GRM7: variants seen among roughly 807,000 people sequenced by gnomAD.
The protein encoded by GRM7 is metabotropic glutamate receptor 7.
Under a neutral mutation model 84.5 loss-of-function variants are expected in GRM7, and 35 were observed. The ratio of observed to expected loss-of-function variants is 0.41; its 90% CI spans 0.32 to 0.55. The LOEUF (loss-of-function observed/expected upper bound fraction) is 0.55, where lower values mean the gene tolerates loss of function less well. Ranked by LOEUF, GRM7 falls within the 20% of genes least tolerant of loss-of-function variation. The probability of loss-of-function intolerance (pLI) is 0.19; values close to 1 mark genes in which losing one functional copy is unlikely to be tolerated. For synonymous variants in GRM7, 487 were observed against 455.1 expected (o/e 1.07, Z -0.89); for missense variants, 1,003 against 1,194.6 (o/e 0.84, Z 2.36).
At chr3:7,270,467 GT>G (rs148265515) in intron 2 of GRM7, among the ~76,000 whole-genome samples, 53 of 151,840 alleles carry the variant, frequency 3.5e-4, no homozygotes, top group African/African-American at 1.2e-3. Context: ...AAAATGTATA[GT>G]TTTTTTTAGC....
intron 7 of GRM7, among the ~76,000 whole-genome samples, chr3:7,499,613 G>T (rs1699818796): frequency 2.0e-5 from 3 of 152,110 alleles, no homozygotes; most frequent in Non-Finnish European, 4.4e-5. Context: ...AGGAAACTGG[G>T]TCACGGAAGA....
In GRM7 at chr3:7,068,539, G is replaced by A. The variant is rs1363412188; in HGVS notation, c.520-77913G>A. Among the ~76,000 whole-genome samples the A allele has an allele frequency of 4.6e-5, 7 of 152,074 alleles. No individual in the cohort carries two copies. In the East Asian group the frequency reaches 7.8e-4, roughly 17 times the overall value. On this transcript the variant is annotated intron_variant, in intron 1 of 9. Transcript: ENST00000357716. ...TGATTTTAAACTCTATCTTGAGCAT[G>A]CTGTGTACAACATTGTTTACTGTGG...
chr3:7,103,854 CTCTT>C lies in GRM7; in HGVS notation c.520-42583_520-42580del, dbSNP rs140927280. 1.5e-4 allele frequency among the ~76,000 whole-genome samples: 18 copies of C among 123,670 alleles called. 4 individuals are homozygous for C. Among genetic ancestry groups the C allele is most frequent in the African/African-American group, 5.5e-4 (15 of 27,500 alleles). 81.1% of individuals were successfully genotyped at this position (123,670 alleles called of 152,430 possible). On this transcript the variant is annotated intron_variant, in intron 1 of 9. Transcript: ENST00000357716. ...TGTCTCTCTCTCCCTCTCTCTCTCT[CTCTT>C]TCTTTCTTTCTTTCCCATTTCTGAG...
intron 5 of GRM7, among the ~76,000 whole-genome samples, chr3:7,446,648 C>T (rs531840226): frequency 4.3e-4 from 66 of 151,930 alleles, no homozygotes; most frequent in African/African-American, 1.5e-3. Context: ...TTGGTACAGA[C>T]GAGGTTTCAC....
At chr3:7,231,241 T>C (rs1697188254) in intron 2 of GRM7, among the ~76,000 whole-genome samples, 1 of 152,150 alleles carries the variant, frequency 6.6e-6, no homozygotes, top group African/African-American at 2.4e-5. Flanking sequence ...GTTTTCCCGT[T>C]GTACATAGAA....
chr3:7,678,149 T>G (rs1700212062), intron 8 of GRM7, among the ~76,000 whole-genome samples: 1 of 152,100 alleles, frequency 6.6e-6, no homozygotes, highest in African/African-American at 2.4e-5. Flanking sequence ...GAATTATTCA[T>G]ACCCCAAACC....
At chr3:7,085,792 G>A (rs1180029266) in intron 1 of GRM7, among the ~76,000 whole-genome samples, 1 of 152,026 alleles carries the variant, frequency 6.6e-6, no homozygotes, top group East Asian at 1.9e-4. Context: ...AGCTGGATGT[G>A]GAACCTACCC....
intron 4 of GRM7, among the ~76,000 whole-genome samples, chr3:7,339,250 A>G (rs1033282402): frequency 2.0e-5 from 3 of 152,148 alleles, no homozygotes; most frequent in African/African-American, 7.2e-5. Flanking sequence ...TATACCTGCA[A>G]GAGATTGGAA....
intron 8 of GRM7, among the ~76,000 whole-genome samples, chr3:7,612,180 G>A (rs1353512101): frequency 1.3e-5 from 2 of 152,144 alleles, no homozygotes; most frequent in Non-Finnish European, 2.9e-5. Context: ...GGATGCCAGA[G>A]CCAGATTCCA....
At chr3:7,348,023 C>T (rs1692968003) in intron 4 of GRM7, among the ~76,000 whole-genome samples, 1 of 152,150 alleles carries the variant, frequency 6.6e-6, no homozygotes, top group Admixed American at 6.6e-5. Context: ...GAAACTGAGG[C>T]ACTTAGCAGA....
chr3:7,063,832 A>C (rs887211941), intron 1 of GRM7, among the ~76,000 whole-genome samples: 13 of 151,756 alleles, frequency 8.6e-5, no homozygotes, highest in African/African-American at 3.1e-4. Flanking sequence ...CATATTTTTC[A>C]TAAGAACTTA....
chr3:7,402,553 A>G (rs1020522659), intron 4 of GRM7, among the ~76,000 whole-genome samples: 13 of 152,180 alleles, frequency 8.5e-5, no homozygotes, highest in African/African-American at 3.1e-4. Flanking sequence ...TTAATATGCC[A>G]GAAAGACATG....
chr3:7,673,139 A>G (rs1414164192), intron 8 of GRM7, among the ~76,000 whole-genome samples: 3 of 152,196 alleles, frequency 2.0e-5, no homozygotes, highest in Admixed American at 2.0e-4. Context: ...TACAGAGACC[A>G]TCATTTGATC....
chr3:7,064,479 T>TATATATATATATACACAC, intron 1 of GRM7, among the ~76,000 whole-genome samples: 27 of 99,376 alleles, frequency 2.7e-4, no homozygotes, highest in East Asian at 1.0e-3. Context: ...TATATATATA[T>TATATATATATATACACAC]ACACACATAT....
intron 8 of GRM7, among the ~76,000 whole-genome samples, chr3:7,645,827 C>T (rs150501161): frequency 6.6e-6 from 1 of 152,212 alleles, no homozygotes; most frequent in East Asian, 1.9e-4. Flanking sequence ...CAATCTGACC[C>T]CAATTTTCCT....
At position 6,873,857 on chromosome 3, in the gene GRM7, A is replaced by G. The variant is rs149578435; in HGVS notation, c.519+11950A>G. 1.6e-4 allele frequency among the ~76,000 whole-genome samples: 24 copies of G among 152,332 alleles called. No homozygotes were observed. The East Asian group carries it at 4.4e-3, about 28-fold the overall frequency. On this transcript the variant is annotated intron_variant, in intron 1 of 9. Transcript: ENST00000357716. ...CATTGAAACAATCCCTGGTTGAAGA[A>G]GGGAAGTTGGATGTTAAGGCAAAGC... is the stretch of plus-strand genomic sequence containing the variant.
intron 1 of GRM7, among the ~76,000 whole-genome samples, chr3:7,043,599 A>G (rs1429209523): frequency 3.3e-5 from 5 of 152,168 alleles, no homozygotes; most frequent in African/African-American, 1.2e-4. Flanking sequence ...TTGTTGCTCC[A>G]TCTTGGCCAG....
intron 8 of GRM7, among the ~76,000 whole-genome samples, chr3:7,638,594 GTTTGGA>G (rs1698214057): frequency 6.6e-6 from 1 of 152,192 alleles, no homozygotes; most frequent in Non-Finnish European, 1.5e-5. Context: ...TGGATCTAGT[GTTTGGA>G]TTTGTCCATA....
intron 1 of GRM7, among the ~76,000 whole-genome samples, chr3:7,110,845 A>G (rs1454622675): frequency 6.6e-6 from 1 of 152,050 alleles, no homozygotes; most frequent in Non-Finnish European, 1.5e-5. Flanking sequence ...GGAGGTGTGT[A>G]TACCAAGCAG....
Sources: allele counts gnomAD v4.1 joint callset (sites outside exome capture counted in the v4.1 genomes callset), GRCh38; gene constraint gnomAD v4.1.1; transcripts MANE v1.5; gene names NCBI Gene and HGNC (gene_info 2026-07-23, HGNC 2026-07-21).